KALRN: variants seen among roughly 807,000 people sequenced by gnomAD.
KALRN encodes the protein kalirin RhoGEF kinase, also known as kalirin.
In KALRN, 70 loss-of-function variants were observed where a neutral mutation model predicts 353.7. The observed-to-expected ratio is 0.20, with a 90% CI of 0.16 to 0.24. The LOEUF (loss-of-function observed/expected upper bound fraction) is 0.24, where lower values mean the gene tolerates loss of function less well. Among genes scored for constraint, KALRN ranks in the 10% least tolerant of loss-of-function variants. The probability of loss-of-function intolerance (pLI) is 1.00; values close to 1 mark genes in which losing one functional copy is unlikely to be tolerated. For missense variants in KALRN, 2,791 were observed against 3,756.7 expected (o/e 0.74, Z 6.72); for synonymous variants, 1,391 against 1,434.8 (o/e 0.97, Z 0.69).
At chr3:124,413,903 C>T (rs1397005051) in intron 14 of KALRN, among the ~76,000 whole-genome samples, 2 of 151,942 alleles carry the variant, frequency 1.3e-5, no homozygotes, top group Non-Finnish European at 1.5e-5. Flanking sequence ...GTCAGGAGTT[C>T]GAGAGCAGCC....
chr3:124,161,923 T>C (rs1354153779), intron 1 of KALRN, among the ~76,000 whole-genome samples: 3 of 152,198 alleles, frequency 2.0e-5, no homozygotes, highest in African/African-American at 4.8e-5. Flanking sequence ...GATTGAGAAA[T>C]TGTTTTACTT....
chr3:124,344,720 A>G (rs2082101401), intron 9 of KALRN, among the ~76,000 whole-genome samples: 1 of 152,220 alleles, frequency 6.6e-6, no homozygotes, highest in African/African-American at 2.4e-5. Context: ...ATTGGACTAA[A>G]TGATGGCACC....
intron 33 of KALRN, among the ~76,000 whole-genome samples, chr3:124,499,845 T>C (rs553340481): frequency 8.4e-4 from 128 of 152,342 alleles, no homozygotes; most frequent in African/African-American, 2.9e-3. Context: ...GTCACATCTT[T>C]TCTCCAAATC....
At chr3:124,625,102 C>T (rs951187540) in intron 34 of KALRN, among the ~76,000 whole-genome samples, 1 of 152,158 alleles carries the variant, frequency 6.6e-6, no homozygotes, top group Non-Finnish European at 1.5e-5. Context: ...TGGGTCTAGA[C>T]ATTGTTCTAA....
At chr3:124,100,198 C>T (rs1441590748) in intron 1 of KALRN, 2 of 152,070 alleles carry the variant, frequency 1.3e-5, no homozygotes, top group Non-Finnish European at 1.5e-5. Flanking sequence ...GATCATTTGC[C>T]CACTTTTTAG....
rs142449753 is a variant in KALRN at position 124,152,104 on chromosome 3, G to A, written c.74-75886G>A. The A allele has an allele frequency of 6.8e-4, 859 of 1,267,990 alleles. 1 individual carries two copies. The African/African-American group carries it at 8.6e-3, about 13-fold the overall frequency. 78.5% of individuals were successfully genotyped at this position (1,267,990 alleles called of 1,614,324 possible). ...ACAGGAAGTTATTTGCTTCTTTGAA[G>A]CGTTTTCCAACATTATAGATCTCAT... is the stretch of plus-strand genomic sequence containing the variant. On this transcript the variant is annotated intron_variant, in intron 1 of 59. Transcript: ENST00000682506.
At chr3:124,684,358 T>G (rs914708167) in intron 51 of KALRN, among the ~76,000 whole-genome samples, 1 of 152,178 alleles carries the variant, frequency 6.6e-6, no homozygotes, top group African/African-American at 2.4e-5. Flanking sequence ...CCAATTTTTG[T>G]GTATAAGTGT....
chr3:124,565,489 T>C (rs2072692664), intron 34 of KALRN, among the ~76,000 whole-genome samples: 1 of 152,218 alleles, frequency 6.6e-6, no homozygotes, highest in Non-Finnish European at 1.5e-5. Context: ...TTAGTTGTCA[T>C]GATAAGTTTT....
At chr3:124,201,754 A>G (rs1460026990) in intron 1 of KALRN, among the ~76,000 whole-genome samples, 1 of 152,114 alleles carries the variant, frequency 6.6e-6, no homozygotes, top group African/African-American at 2.4e-5. Flanking sequence ...TAGACCTGGG[A>G]GTGTTTGCTT....
chr3:124,663,401 A>G (rs2085146736), intron 45 of KALRN, among the ~76,000 whole-genome samples: 1 of 152,234 alleles, frequency 6.6e-6, no homozygotes, highest in Non-Finnish European at 1.5e-5. Flanking sequence ...ACTTCAACAT[A>G]GGAATTGATG....
Position 124,712,980 on chromosome 3 carries a change from C to T in KALRN, c.8121C>T (p.Arg2707=), listed in dbSNP as rs1314376478. 2.5e-6 allele frequency: 4 copies of T among 1,613,912 alleles called. No individual in the cohort carries two copies. The Admixed American group carries it at 5.0e-5, about 20-fold the overall frequency. Residue 2707 remains arginine, a synonymous_variant, in exon 58 of 60, where the codon CGC becomes CGT. Coordinates refer to ENST00000682506, the MANE Select transcript of KALRN (RefSeq NM_001388419.1). The stretch of plus-strand genomic sequence containing the variant: ...AGAAATGCATTCACAAAGCTACCCG[C>T]AAAGATGTGGCTGTGAAATTTGTTA... ...IVKKCIHKAT[R]KDVAVKFVSK...
chr3:124,667,858 G>T (rs189640845), intron 47 of KALRN, among the ~76,000 whole-genome samples: 253 of 152,186 alleles, frequency 1.7e-3, no homozygotes, highest in Non-Finnish European at 2.9e-3. Context: ...CCCTGCTGGG[G>T]TTTTCTTCAC....
At chr3:124,549,172 C>T (rs1300660825) in intron 33 of KALRN, among the ~76,000 whole-genome samples, 1 of 144,902 alleles carries the variant, frequency 6.9e-6, no homozygotes. Context: ...AGTTCAAAAC[C>T]CAGATTATAA....
intron 34 of KALRN, among the ~76,000 whole-genome samples, chr3:124,597,264 C>A (rs1401426944): frequency 1.3e-5 from 2 of 152,108 alleles, no homozygotes; most frequent in Non-Finnish European, 2.9e-5. Flanking sequence ...TAAGATATTT[C>A]TCTGCCCCGA....
chr3:124,515,236 C>G (rs2066400959), intron 33 of KALRN, among the ~76,000 whole-genome samples: 1 of 152,036 alleles, frequency 6.6e-6, no homozygotes. Flanking sequence ...TAGAATGGGG[C>G]CTACAGTATA....
intron 1 of KALRN, among the ~76,000 whole-genome samples, chr3:124,189,172 C>T (rs1473482274): frequency 6.6e-6 from 1 of 152,126 alleles, no homozygotes; most frequent in Non-Finnish European, 1.5e-5. Flanking sequence ...TGTCAGAGAC[C>T]GTGGAGAACT....
At chr3:124,161,884 G>C (rs2070020183) in intron 1 of KALRN, among the ~76,000 whole-genome samples, 1 of 152,194 alleles carries the variant, frequency 6.6e-6, no homozygotes, top group Non-Finnish European at 1.5e-5. Flanking sequence ...AAGTAACTCA[G>C]AAAGGGGTTG....
At chr3:124,138,835 A>T (rs1321102649) in intron 1 of KALRN, among the ~76,000 whole-genome samples, 2 of 152,162 alleles carry the variant, frequency 1.3e-5, no homozygotes. Flanking sequence ...GTTGGAGGAG[A>T]CCATGGTATT....
intron 8 of KALRN, among the ~76,000 whole-genome samples, chr3:124,330,992 C>T (rs1428534161): frequency 2.0e-5 from 3 of 152,130 alleles, no homozygotes; most frequent in Non-Finnish European, 4.4e-5. Context: ...CCAATGGCTC[C>T]TAGGTAAGAG....
Sources: allele counts gnomAD v4.1 joint callset (sites outside exome capture counted in the v4.1 genomes callset), GRCh38; gene constraint gnomAD v4.1.1; transcripts MANE v1.5; gene names NCBI Gene and HGNC (gene_info 2026-07-23, HGNC 2026-07-21).